RUNDC3B: variants seen among roughly 807,000 people sequenced by gnomAD.
RUNDC3B encodes the protein RUN domain containing 3B, also known as RUN domain-containing protein 3B.
In RUNDC3B, 33 loss-of-function variants were observed where a neutral mutation model predicts 58.4. That is an observed-to-expected ratio of 0.56 (90% CI 0.43 to 0.75). RUNDC3B has a LOEUF of 0.75. RUNDC3B is among the 30% of genes least tolerant of loss of function. The pLI is 0.00. For synonymous variants in RUNDC3B, 193 were observed against 195.2 expected, an observed-to-expected ratio of 0.99 and a Z score of 0.10; for missense variants, 501 against 535.7, an observed-to-expected ratio of 0.94 and a Z score of 0.64.
At chr7:87,685,270 A>C (rs1031805855) in intron 2 of RUNDC3B, among the ~76,000 whole-genome samples, 4 of 152,220 alleles carry the variant, frequency 2.6e-5, no homozygotes, top group Non-Finnish European at 5.9e-5. Flanking sequence ...ATTTTAAAAT[A>C]TGCAAAGAGC....
chr7:87,705,085 A>G (rs1829468079), intron 3 of RUNDC3B, among the ~76,000 whole-genome samples: 4 of 152,182 alleles, frequency 2.6e-5, no homozygotes, highest in Admixed American at 2.0e-4. Flanking sequence ...TTAGATTCAT[A>G]TTGTAGAAGC....
chr7:87,680,981 G>T (rs947522940), intron 2 of RUNDC3B, among the ~76,000 whole-genome samples: 4 of 150,450 alleles, frequency 2.7e-5, no homozygotes, highest in East Asian at 4.0e-4. Flanking sequence ...TAAACTTCTG[G>T]TTAGGCTGAT....
intron 2 of RUNDC3B, among the ~76,000 whole-genome samples, chr7:87,664,426 C>T (rs1473601289): frequency 6.6e-5 from 10 of 152,092 alleles, no homozygotes; most frequent in Non-Finnish European, 1.2e-4. Flanking sequence ...CAAAGGAATA[C>T]AGATGCTTAT....
chr7:87,647,453 C>T (rs1823122167), intron 1 of RUNDC3B, among the ~76,000 whole-genome samples: 1 of 152,090 alleles, frequency 6.6e-6, no homozygotes, highest in African/African-American at 2.4e-5. Flanking sequence ...TTCTATTAAA[C>T]ACATTAAAGA....
intron 2 of RUNDC3B, among the ~76,000 whole-genome samples, chr7:87,670,362 C>A (rs939874492): frequency 6.6e-6 from 1 of 152,198 alleles, no homozygotes; most frequent in Non-Finnish European, 1.5e-5. Flanking sequence ...TTTCATCCTT[C>A]AGCTCCTGTA....
chr7:87,702,456 T>A (rs542480785), intron 3 of RUNDC3B, among the ~76,000 whole-genome samples: 7 of 152,032 alleles, frequency 4.6e-5, no homozygotes, highest in Non-Finnish European at 1.0e-4. Flanking sequence ...TGTTTTAAAT[T>A]TTTTGTAGAG....
chr7:87,715,878 G>T (rs566983090), intron 4 of RUNDC3B, among the ~76,000 whole-genome samples: 1 of 152,008 alleles, frequency 6.6e-6, no homozygotes, highest in African/African-American at 2.4e-5. Context: ...GAAACGGTCT[G>T]TATGGAGTAA....
chr7:87,634,822 A>T (rs996179192), intron 1 of RUNDC3B, among the ~76,000 whole-genome samples: 9 of 152,158 alleles, frequency 5.9e-5, no homozygotes, highest in Admixed American at 2.6e-4. Context: ...ATTCAACATT[A>T]GTTATATACC....
At chr7:87,695,854 A>C (rs1351695711) in intron 2 of RUNDC3B, among the ~76,000 whole-genome samples, 2 of 152,118 alleles carry the variant, frequency 1.3e-5, no homozygotes, top group Non-Finnish European at 2.9e-5. Flanking sequence ...GCAAAGTGTA[A>C]ATAGATATCT....
intron 9 of RUNDC3B, among the ~76,000 whole-genome samples, chr7:87,807,722 T>C (rs768146556): frequency 6.6e-6 from 1 of 152,180 alleles, no homozygotes; most frequent in Non-Finnish European, 1.5e-5. Context: ...TTCCTTTAGT[T>C]GAATCTTCAG....
intron 9 of RUNDC3B, among the ~76,000 whole-genome samples, chr7:87,815,893 T>C (rs1439522375): frequency 6.6e-6 from 1 of 152,142 alleles, no homozygotes; most frequent in African/African-American, 2.4e-5. Flanking sequence ...AAAATTGGTA[T>C]GAAGATTATG....
intron 6 of RUNDC3B, among the ~76,000 whole-genome samples, chr7:87,764,696 A>G (rs1350263251): frequency 6.6e-6 from 1 of 151,888 alleles, no homozygotes. Flanking sequence ...TTCCAGGTCC[A>G]TTCATGTTGC....
chr7:87,730,342 G>A (rs560163171), intron 4 of RUNDC3B, among the ~76,000 whole-genome samples: 1 of 152,190 alleles, frequency 6.6e-6, no homozygotes, highest in Non-Finnish European at 1.5e-5. Context: ...TAGGTGAGAG[G>A]AGAGCCTGCT....
chr7:87,706,161 C>G (rs1303004029), intron 3 of RUNDC3B, among the ~76,000 whole-genome samples: 1 of 152,196 alleles, frequency 6.6e-6, no homozygotes, highest in Non-Finnish European at 1.5e-5. Context: ...CATATCCATG[C>G]ATCTTTCCAT....
chr7:87,820,389 A>G lies in RUNDC3B; in HGVS notation c.1225+4127A>G, dbSNP rs1159246547. On this transcript the variant is annotated intron_variant, in intron 10 of 10. Transcript: ENST00000394654. The stretch of plus-strand genomic sequence containing the variant: ...AATAACAGGATCTGAAATTGTGACA[A>G]TAATCAATAGCTTACCAACCAAAAA... Among the ~76,000 whole-genome samples the G allele has an allele frequency of 3.3e-5, 5 of 152,218 alleles. No homozygotes were observed. In the East Asian group the frequency reaches 7.7e-4, roughly 23 times the overall value.
At chr7:87,729,437 A>G (rs1831448213) in intron 4 of RUNDC3B, among the ~76,000 whole-genome samples, 1 of 152,190 alleles carries the variant, frequency 6.6e-6, no homozygotes. Context: ...GGCAGCAAAC[A>G]GTAATTGTGC....
chr7:87,794,401 C>T (rs1429680932), intron 8 of RUNDC3B, among the ~76,000 whole-genome samples: 1 of 152,166 alleles, frequency 6.6e-6, no homozygotes, highest in East Asian at 1.9e-4. Flanking sequence ...TGCCACTGCA[C>T]TCCAGCCTGA....
intron 4 of RUNDC3B, among the ~76,000 whole-genome samples, chr7:87,714,474 T>G (rs1830365432): frequency 6.6e-6 from 1 of 152,168 alleles, no homozygotes; most frequent in Non-Finnish European, 1.5e-5. Flanking sequence ...TATGGAGAAG[T>G]ACAGTATACA....
intron 6 of RUNDC3B, among the ~76,000 whole-genome samples, chr7:87,742,922 G>T (rs1157691224): frequency 6.6e-6 from 1 of 152,048 alleles, no homozygotes; most frequent in Admixed American, 6.6e-5. Flanking sequence ...GACCATCCGG[G>T]CTAACACGGT....
Sources: gnomAD v4.1 joint callset for allele counts (sites outside exome capture counted in the v4.1 genomes callset) on GRCh38, gnomAD v4.1.1 for gene constraint, MANE v1.5 for transcripts, NCBI Gene and HGNC (gene_info 2026-07-23, HGNC 2026-07-21) for gene names.